Variants in RGS6 observed in about 807,000 individuals in gnomAD.
RGS6 encodes regulator of G-protein signaling 6.
Under a neutral mutation model 78.5 loss-of-function variants are expected in RGS6, and 30 were observed. The observed-to-expected ratio is 0.38, with a 90% CI of 0.29 to 0.52. The LOEUF (loss-of-function observed/expected upper bound fraction) is 0.52. RGS6 is among the 20% of genes least tolerant of loss of function. The pLI is 0.85. For synonymous variants in RGS6, 206 were observed against 206.0 expected (o/e 1.00, Z 0.00); for missense variants, 495 against 609.7 (o/e 0.81, Z 1.98).
intron 14 of RGS6, among the ~76,000 whole-genome samples, chr14:72,512,131 G>A (rs993609551): frequency 6.6e-6 from 1 of 152,020 alleles, no homozygotes; most frequent in African/African-American, 2.4e-5. Context: ...TGTTCCCCTT[G>A]GGTCTCCAAG....
intron 3 of RGS6, among the ~76,000 whole-genome samples, chr14:72,440,311 T>C (rs2095136019): frequency 6.6e-6 from 1 of 152,188 alleles, no homozygotes; most frequent in Admixed American, 6.5e-5. Context: ...CAGACCCTCT[T>C]TGCTTCTGTC....
chr14:72,002,255 A>T (rs1472543211), intron 2 of RGS6, among the ~76,000 whole-genome samples: 1 of 152,104 alleles, frequency 6.6e-6, no homozygotes, highest in Non-Finnish European at 1.5e-5. Flanking sequence ...GGAAGTCCAA[A>T]TGCTGATAAA....
chr14:72,172,214 T>C lies in RGS6; in HGVS notation c.85-179881T>C, dbSNP rs546366437. Among the ~76,000 whole-genome samples, 19 of 151,912 alleles carry C rather than the reference T, an allele frequency of 1.3e-4. 1 individual carries two copies. Among genetic ancestry groups the C allele is most frequent in the African/African-American group, 4.3e-4 (18 of 41,412 alleles). On this transcript the variant is annotated intron_variant, in intron 2 of 17. Coordinates refer to ENST00000553525, the MANE Select transcript of RGS6 (RefSeq NM_001204424.2). Reference sequence around the variant, plus strand: ...GAACTGTGACGATTTAAGATGCATCTGAACTCTTTTAGATTTCCATAGAAC... The same window carrying C: ...GAACTGTGACGATTTAAGATGCATCCGAACTCTTTTAGATTTCCATAGAAC...
chr14:71,940,635 G>A (rs2090373398), intron 1 of RGS6, among the ~76,000 whole-genome samples: 1 of 152,150 alleles, frequency 6.6e-6, no homozygotes, highest in Admixed American at 6.5e-5. Flanking sequence ...TGATGGTTGA[G>A]TGCTGCCACT....
At chr14:72,135,481 C>T (rs918921635) in intron 2 of RGS6, among the ~76,000 whole-genome samples, 2 of 152,166 alleles carry the variant, frequency 1.3e-5, no homozygotes, top group Non-Finnish European at 1.5e-5. Flanking sequence ...TTGTTTTTCC[C>T]TGCTCTGTAT....
At chr14:72,607,139 G>A in the RGS6 span, among the ~76,000 whole-genome samples, 1 of 152,138 alleles carries the variant, frequency 6.6e-6, no homozygotes, top group Non-Finnish European at 1.5e-5. Context: ...AACTTTCTCA[G>A]GTCCAACAGA....
At chr14:72,336,265 C>T (rs931346433) in intron 2 of RGS6, among the ~76,000 whole-genome samples, 1 of 152,124 alleles carries the variant, frequency 6.6e-6, no homozygotes, top group African/African-American at 2.4e-5. Flanking sequence ...CTAATCATGC[C>T]ACTTCTCACT....
chr14:72,115,837 C>T (rs974161195), intron 2 of RGS6, among the ~76,000 whole-genome samples: 1 of 152,204 alleles, frequency 6.6e-6, no homozygotes, highest in Non-Finnish European at 1.5e-5. Flanking sequence ...TCAACCACAC[C>T]TAGTCTCACT....
chr14:72,241,171 A>G (rs63460962), intron 2 of RGS6, among the ~76,000 whole-genome samples: 1 of 151,394 alleles, frequency 6.6e-6, no homozygotes, highest in Admixed American at 6.6e-5. Flanking sequence ...AAAAAAAAAA[A>G]CAAAACTTAT....
intron 14 of RGS6, 55 bp from the exon 15 acceptor site, chr14:72,518,296 C>A: frequency 6.5e-7 from 1 of 1,549,084 alleles, no homozygotes. Flanking sequence ...CCATCTCAGG[C>A]AACATCCCGA....
chr14:71,894,292 T>C, the RGS6 span, among the ~76,000 whole-genome samples: 2 of 152,336 alleles, frequency 1.3e-5, no homozygotes, highest in African/African-American at 4.8e-5. Context: ...TGACCCAGAC[T>C]TGGGAGCATC....
At chr14:72,442,808 TG>T (rs1167446845) in intron 3 of RGS6, among the ~76,000 whole-genome samples, 1 of 152,032 alleles carries the variant, frequency 6.6e-6, no homozygotes, top group Non-Finnish European at 1.5e-5. Context: ...GCCACTCCTA[TG>T]GGTGAAGGAA....
At position 72,512,443 on chromosome 14, in the gene RGS6, C is replaced by A. The variant is rs1423911463; in HGVS notation, c.1091+2164C>A. On this transcript the variant is annotated intron_variant, in intron 14 of 17. Coordinates refer to ENST00000553525, the MANE Select transcript of RGS6 (RefSeq NM_001204424.2). ...TGTCCCTGGCAGGTGTTCAGTGCTT[C>A]TTCCTGCCATCACCTCCTGCGCCTC... 2.6e-5 allele frequency among the ~76,000 whole-genome samples: 4 copies of A among 152,312 alleles called. No homozygotes were observed. In the East Asian group the frequency reaches 7.7e-4, roughly 29 times the overall value.
At chr14:72,350,055 C>G (rs2078826542) in intron 2 of RGS6, among the ~76,000 whole-genome samples, 1 of 152,156 alleles carries the variant, frequency 6.6e-6, no homozygotes, top group Non-Finnish European at 1.5e-5. Flanking sequence ...GTTTAGGAGA[C>G]AAAGGCCAGC....
chr14:72,142,138 G>T (rs2096548744), intron 2 of RGS6, among the ~76,000 whole-genome samples: 2 of 152,078 alleles, frequency 1.3e-5, no homozygotes, highest in Non-Finnish European at 2.9e-5. Flanking sequence ...CCTGTTAATT[G>T]TACTAGCTTA....
At chr14:72,417,296 C>A (rs1275295176) in intron 3 of RGS6, among the ~76,000 whole-genome samples, 2 of 152,030 alleles carry the variant, frequency 1.3e-5, no homozygotes, top group East Asian at 1.9e-4. Flanking sequence ...GAGATGACTG[C>A]CCCCCCACCA....
the RGS6 span, among the ~76,000 whole-genome samples, chr14:71,873,469 G>C: frequency 6.6e-6 from 1 of 152,114 alleles, no homozygotes; most frequent in African/African-American, 2.4e-5. Context: ...CATATCCTTC[G>C]TCCACTTTTT....
intron 3 of RGS6, among the ~76,000 whole-genome samples, chr14:72,446,505 A>G (rs1243312579): frequency 6.6e-6 from 1 of 152,210 alleles, no homozygotes; most frequent in African/African-American, 2.4e-5. Flanking sequence ...TGTCAGAGTC[A>G]GCTAGAGCTG....
At chr14:72,520,169 C>A (rs564633218) in intron 15 of RGS6, among the ~76,000 whole-genome samples, 1 of 152,098 alleles carries the variant, frequency 6.6e-6, no homozygotes. Context: ...AAAAAAAGAT[C>A]CTTTTGTTTT....
Sources: allele counts gnomAD v4.1 joint callset (sites outside exome capture counted in the v4.1 genomes callset), GRCh38; gene constraint gnomAD v4.1.1; transcripts MANE v1.5; gene names NCBI Gene and HGNC (gene_info 2026-07-23, HGNC 2026-07-21).